THBS4: variants seen among roughly 807,000 people sequenced by gnomAD.
The protein encoded by THBS4 is thrombospondin-4.
In THBS4, 90 loss-of-function variants were observed where a neutral mutation model predicts 115.7. That is an observed-to-expected ratio of 0.78 (90% confidence interval 0.66 to 0.93). THBS4 has a LOEUF of 0.93. Among genes scored for constraint, THBS4 ranks in the 40% least tolerant of loss-of-function variants. The pLI, the probability that THBS4 is intolerant of heterozygous loss-of-function variation, is 0.00. For missense variants in THBS4, 1,087 were observed against 1,232.7 expected, an observed-to-expected ratio of 0.88 and a Z score of 1.77; for synonymous variants, 460 against 479.3, an observed-to-expected ratio of 0.96 and a Z score of 0.53.
intron 2 of THBS4, chr5:80,052,759 T>C (rs1370425340): frequency 6.6e-6 from 1 of 152,248 alleles, no homozygotes; most frequent in African/African-American, 2.4e-5. Context: ...GAAAGTCTAA[T>C]GTGGAGAAAG....
chr5:80,079,885 T>C lies in THBS4; in HGVS notation c.2512-20T>C. On this transcript the variant is annotated intron_variant, in intron 19 of 21. Coordinates refer to ENST00000350881, the MANE Select transcript of THBS4 (RefSeq NM_003248.6). ...GGTGCCTGTGTCCTGTCCTAAAACC[T>C]TGCTTGTGTCATCATGCAGGCTGTG... The C allele has an allele frequency of 6.2e-7, 1 of 1,612,924 alleles. No individual in the cohort carries two copies. The highest frequency in any genetic ancestry group is 8.5e-7 in the Non-Finnish European group (1 of 1,179,224).
chr5:80,079,025 G>A (rs376518626), intron 18 of THBS4, 37 bp from the exon 19 acceptor site: 34 of 1,613,120 alleles, frequency 2.1e-5, no homozygotes, highest in South Asian at 8.8e-5. Context: ...TACTAGTGTG[G>A]TTTGTCTATT....
intron 21 of THBS4, 114 bp downstream of exon 21, chr5:80,082,659 C>T (rs1470440676): frequency 7.8e-7 from 1 of 1,275,046 alleles, no homozygotes. Flanking sequence ...ACCACATAGT[C>T]ATTAAAACCT....
At chr5:80,042,497 T>A (rs1832934841) in intron 2 of THBS4, among the ~76,000 whole-genome samples, 1 of 152,200 alleles carries the variant, frequency 6.6e-6, no homozygotes, top group Admixed American at 6.5e-5. Flanking sequence ...TTGGCCAGTA[T>A]GTGTGAGCCC....
In THBS4 at chr5:79,993,440, G is replaced by GC. The variant is rs373630894; in HGVS notation, n.81+2029dup. Among the ~76,000 whole-genome samples, 549 of 152,252 alleles carry GC rather than the reference G, an allele frequency of 3.6e-3. 10 individuals are homozygous for GC. The highest frequency in any genetic ancestry group is 0.034 in the Middle Eastern group (10 of 294). On this transcript the variant is annotated intron_variant and non_coding_transcript_variant, in intron 1 of 3. Transcript: ENST00000510218. ...AAATTATGCCTGGTATGGTTAGTTG[G>GC]CTCCTGTGCCTTTTCCTGGCTGTTT...
chr5:80,062,780 C>T lies in THBS4; in HGVS notation c.1125+948C>T, dbSNP rs1233669585. The stretch of plus-strand genomic sequence containing the variant: ...ATTCCCAACTAAGAGTGAGAACATG[C>T]GGTGTTTGGTTTTCTATCCTTGCGA... On this transcript the variant is annotated intron_variant, in intron 8 of 21. Coordinates refer to ENST00000350881, the MANE Select transcript of THBS4 (RefSeq NM_003248.6). Among the ~76,000 whole-genome samples the T allele has an allele frequency of 4.6e-5, 7 of 152,046 alleles. No individual in the cohort carries two copies. In the East Asian group the frequency reaches 7.7e-4, roughly 17 times the overall value.
intron 2 of THBS4, among the ~76,000 whole-genome samples, chr5:80,003,849 G>A (rs922454723): frequency 4.6e-5 from 7 of 152,142 alleles, no homozygotes; most frequent in East Asian, 3.9e-4. Context: ...ATCAAAAGCC[G>A]CTTGTTGAGA....
At position 80,059,882 on chromosome 5, in the gene THBS4, A is replaced by C; in HGVS notation, c.964A>C (p.Ile322Leu). The C allele has an allele frequency of 6.2e-7, 1 of 1,614,086 alleles. No homozygotes were observed. The highest frequency in any genetic ancestry group is 8.5e-7 in the Non-Finnish European group (1 of 1,180,042). Residue 322 changes from isoleucine (I) to leucine (L), a missense_variant, in exon 7 of 22, where the codon ATC becomes CTC. Transcript: ENST00000350881. ...CCCCGAGGGCTACACAGGAAACGGG[A>C]TCACCTGTATTGATGTTGATGAGGT... ...PCPEGYTGNG[I>L]TCIDVDECKY...
At chr5:80,082,274 C>A in intron 20 of THBS4, 132 bp from the exon 21 acceptor site, 1 of 1,279,350 alleles carries the variant, frequency 7.8e-7, no homozygotes. Flanking sequence ...TCCAGGTCAG[C>A]GAAAAATGGA....
intron 8 of THBS4, among the ~76,000 whole-genome samples, chr5:80,063,604 C>T (rs917353209): frequency 6.6e-6 from 1 of 152,056 alleles, no homozygotes; most frequent in African/African-American, 2.4e-5. Flanking sequence ...ATCATGAAGT[C>T]CTTGGAGGGC....
At chr5:80,065,594 T>G in intron 9 of THBS4, 117 bp downstream of exon 9, 1 of 889,188 alleles carries the variant, frequency 1.1e-6, no homozygotes, top group Admixed American at 2.9e-5. Context: ...TATATTTGAT[T>G]GGCAGAATAA....
intron 2 of THBS4, among the ~76,000 whole-genome samples, chr5:80,004,348 G>T (rs979489189): frequency 3.3e-5 from 5 of 152,202 alleles, no homozygotes; most frequent in African/African-American, 1.2e-4. Flanking sequence ...AGGGAAGTCA[G>T]GATTCTGCCT....
At chr5:80,044,156 C>T (rs1186519864) in intron 2 of THBS4, among the ~76,000 whole-genome samples, 1 of 152,222 alleles carries the variant, frequency 6.6e-6, no homozygotes, top group Non-Finnish European at 1.5e-5. Context: ...GGAAGACATT[C>T]ATCTTAGCTC....
At chr5:80,045,645 C>T (rs1447506180) in intron 2 of THBS4, among the ~76,000 whole-genome samples, 1 of 151,834 alleles carries the variant, frequency 6.6e-6, no homozygotes, top group East Asian at 1.9e-4. Context: ...ATTCTCCTGC[C>T]TCAGCCTCCC....
intron 21 of THBS4, 39 bp downstream of exon 21, chr5:80,082,584 G>A (rs1337741034): frequency 2.5e-6 from 4 of 1,609,700 alleles, no homozygotes; most frequent in African/African-American, 1.3e-5. Context: ...ATTGTTACTA[G>A]AATTAGTCAA....
chr5:80,012,259 G>C (rs1446261727), intron 2 of THBS4, among the ~76,000 whole-genome samples: 3 of 152,130 alleles, frequency 2.0e-5, no homozygotes, highest in Non-Finnish European at 4.4e-5. Flanking sequence ...TTGAACCAGG[G>C]ATTGGAAACT....
chr5:80,061,575 T>C, intron 7 of THBS4, 120 bp from the exon 8 acceptor site: 1 of 1,335,360 alleles, frequency 7.5e-7, no homozygotes, highest in Non-Finnish European at 1.0e-6. Context: ...TTATTTCCTT[T>C]TATTATTTTT....
chr5:80,046,121 C>T (rs1833057993), intron 2 of THBS4, among the ~76,000 whole-genome samples: 1 of 152,150 alleles, frequency 6.6e-6, no homozygotes, highest in Non-Finnish European at 1.5e-5. Context: ...ATAAGCCTAC[C>T]TCCTGGAATA....
intron 2 of THBS4, among the ~76,000 whole-genome samples, chr5:80,024,227 C>A (rs1268708989): frequency 1.3e-5 from 2 of 152,154 alleles, no homozygotes; most frequent in Non-Finnish European, 2.9e-5. Flanking sequence ...GGAACAGAAC[C>A]ATTAAATGGC....
Sources: gnomAD v4.1 joint callset for allele counts (sites outside exome capture counted in the v4.1 genomes callset) on GRCh38, gnomAD v4.1.1 for gene constraint, MANE v1.5 for transcripts, NCBI Gene and HGNC (gene_info 2026-07-23, HGNC 2026-07-21) for gene names.